The following ZNF397 variants were observed in gnomAD, a reference collection of about 807,000 sequenced individuals.
The protein encoded by ZNF397 is zinc finger protein 397.
A neutral mutation model predicts 50.6 loss-of-function variants in ZNF397; 38 were observed. That is an observed-to-expected ratio of 0.75 (90% CI 0.58 to 0.98). The LOEUF (loss-of-function observed/expected upper bound fraction) is 0.98. Ranked by LOEUF, ZNF397 falls within the 50% of genes least tolerant of loss-of-function variation. The probability of loss-of-function intolerance (pLI) is 0.00; values close to 1 mark genes in which losing one functional copy is unlikely to be tolerated. For synonymous variants in ZNF397, 228 were observed against 215.2 expected (o/e 1.06, Z -0.52); for missense variants, 624 against 624.1 (o/e 1.00, Z 0.00).
chr18:35,242,752 A>C lies in ZNF397; in HGVS notation c.282A>C (p.Val94=). 1 of 1,614,208 alleles carries C rather than the reference A, an allele frequency of 6.2e-7. No individual in the cohort carries two copies. The highest frequency in any genetic ancestry group is 8.5e-7 in the Non-Finnish European group (1 of 1,180,032). Residue 94 remains valine (V), a synonymous_variant, in exon 2 of 4, where the codon GTA becomes GTC. Transcript: ENST00000330501. ...AGGAGCAGATCTTAGAACTGCTGGT[A>C]CTGGAGCAGTTCCTGAGCATTCTGC... ...HTKEQILELL[V]LEQFLSILPE... is the part of the protein sequence containing the mutation.
chr18:35,254,589 T>A, downstream of ZNF397: 2 of 813,382 alleles, frequency 2.5e-6, no homozygotes, highest in Non-Finnish European at 3.8e-6. Context: ...AGAAATGAAT[T>A]AGTATTGGAG....
At chr18:35,253,141 C>A (rs1263315905), downstream of ZNF397, 4 of 223,642 alleles carry the variant, frequency 1.8e-5, no homozygotes, top group African/African-American at 9.1e-5. Context: ...TGAAGGTGCC[C>A]AATGGAAATT....
chr18:35,242,757 A>C lies in ZNF397; in HGVS notation c.287A>C (p.Glu96Ala). The C allele has an allele frequency of 6.2e-7, 1 of 1,614,168 alleles. No individual in the cohort carries two copies. The highest frequency in any genetic ancestry group is 8.5e-7 in the Non-Finnish European group (1 of 1,180,028). The change falls in exon 2 of 4, where the codon GAG becomes GCG. Residue 96 changes from glutamate to alanine, a missense_variant. Transcript: ENST00000330501. ...KEQILELLVL[E>A]QFLSILPEEL... The stretch of plus-strand genomic sequence containing the variant: ...CAGATCTTAGAACTGCTGGTACTGG[A>C]GCAGTTCCTGAGCATTCTGCCTGAG...
At chr18:35,253,230 A>G, downstream of ZNF397, 1 of 429,076 alleles carries the variant, frequency 2.3e-6, no homozygotes, top group Admixed American at 3.9e-5. Context: ...TTTCAAGGAA[A>G]TATCTACCAT....
At position 35,246,313 on chromosome 18, in the gene ZNF397, T is replaced by C. The variant is rs1435875542; in HGVS notation, c.*3T>C. 6.6e-7 allele frequency: 1 copy of C among 1,516,210 alleles called. No individual in the cohort carries two copies. The highest frequency in any genetic ancestry group is 8.8e-7 in the Non-Finnish European group (1 of 1,133,460). 93.9% of individuals were successfully genotyped at this position (1,516,210 alleles called of 1,614,324 possible). A position where few individuals can be genotyped will look rare whatever the true frequency, so the allele number is the denominator to read the frequency against. ...AAAGAGTCCACACTATAAAGTAATT[T>C]GTGAATACTGTGAATAGTGTAAATA... On this transcript the variant is annotated 3_prime_UTR_variant, in exon 4 of 4. Coordinates refer to ENST00000330501, the MANE Select transcript of ZNF397 (RefSeq NM_001135178.3).
In ZNF397 at chr18:35,246,772, G is replaced by C; in HGVS notation, c.*462G>C. ...AGAGCAGCAGGAAAGGTGGGGAAAT[G>C]GCTTCATCAATGATTTGTTGAGCCC... On this transcript the variant is annotated 3_prime_UTR_variant, in exon 4 of 4. Transcript: ENST00000330501. 1.0e-6 allele frequency: 1 copy of C among 987,380 alleles called. No homozygotes were observed. The highest frequency in any genetic ancestry group is 1.2e-6 in the Non-Finnish European group (1 of 831,604). The allele number at this position is 987,380 out of a possible 1,614,324, so 61.2% of individuals were successfully genotyped here.
chr18:35,253,032 C>T (rs2043651916), downstream of ZNF397: 1 of 161,090 alleles, frequency 6.2e-6, no homozygotes, highest in African/African-American at 2.4e-5. Context: ...ACTCTCAGCA[C>T]ATGCCTCCAC....
Position 35,246,367 on chromosome 18 carries a change from C to G in ZNF397, c.*57C>G. 4 of 1,468,680 alleles carry G rather than the reference C, an allele frequency of 2.7e-6. No homozygotes were observed. The highest frequency in any genetic ancestry group is 3.6e-6 in the Non-Finnish European group (4 of 1,111,564). 91.0% of individuals were successfully genotyped at this position (1,468,680 alleles called of 1,614,324 possible). On this transcript the variant is annotated 3_prime_UTR_variant, in exon 4 of 4. Coordinates refer to ENST00000330501, the MANE Select transcript of ZNF397 (RefSeq NM_001135178.3). ...CAGTCAGATTTTTAAGTTTGTTAGTCAAAAGAGTTTACTTTGGAGCAAAAC... is the reference window on the plus strand; with the variant it reads ...CAGTCAGATTTTTAAGTTTGTTAGTGAAAAGAGTTTACTTTGGAGCAAAAC...
Position 35,242,383 on chromosome 18 carries a change from T to A in ZNF397, c.-80-8T>A. 3 of 1,336,034 alleles carry A rather than the reference T, an allele frequency of 2.2e-6. No individual in the cohort carries two copies. The highest frequency in any genetic ancestry group is 3.1e-6 in the Non-Finnish European group (3 of 973,854). 82.8% of individuals were successfully genotyped at this position (1,336,034 alleles called of 1,614,324 possible). The stretch of plus-strand genomic sequence containing the variant: ...TTGCTGTAAGTTAACTGCTTTTATA[T>A]CCTTCAGGAAAGAAGAGATTACTCA... On this transcript the variant is annotated splice_polypyrimidine_tract_variant and splice_region_variant and intron_variant, in intron 1 of 3. Transcript: ENST00000330501.
intron 1 of ZNF397, chr18:35,241,419 T>C (rs1912488137): frequency 6.6e-6 from 1 of 152,276 alleles, no homozygotes; most frequent in Admixed American, 6.5e-5. Context: ...GTAGGCTAAA[T>C]ATTTTAATTC....
intron 2 of ZNF397, 35 bp downstream of exon 2, chr18:35,242,919 T>C (rs1655433570): frequency 6.4e-7 from 1 of 1,565,692 alleles, no homozygotes; most frequent in African/African-American, 1.4e-5. Context: ...GGAAAAGGAA[T>C]TTACAGCCTG....
chr18:35,247,666 A>ATTTTTTTTTTTTTTTTTTTTTT lies in ZNF397; in HGVS notation c.*1360_*1381dup, dbSNP rs753489329. The ATTTTTTTTTTTTTTTTTTTTTT allele has an allele frequency of 4.2e-5, 3 of 71,946 alleles. No homozygotes were observed. Among genetic ancestry groups the ATTTTTTTTTTTTTTTTTTTTTT allele is most frequent in the Admixed American group, 2.4e-4 (1 of 4,230 alleles). The allele number at this position is 71,946 out of a possible 1,614,324, so 4.5% of individuals were successfully genotyped here. On this transcript the variant is annotated 3_prime_UTR_variant, in exon 4 of 4. Coordinates refer to ENST00000330501, the MANE Select transcript of ZNF397 (RefSeq NM_001135178.3). ...CCAGTATTTCACAATATCTTTTGCA[A>ATTTTTTTTTTTTTTTTTTTTTT]TTTTTTTTTTTTTTTTTTTTTTTTT...
chr18:35,248,661 T>C lies in ZNF397; in HGVS notation c.*2351T>C, dbSNP rs2043520761. On this transcript the variant is annotated 3_prime_UTR_variant, in exon 4 of 4. Transcript: ENST00000330501. ...TTCAAGCCGAGCCTGGGCAGCATAGTGAGACCCCATCTCTACAAAAAATAA... is the reference window on the plus strand; with the variant it reads ...TTCAAGCCGAGCCTGGGCAGCATAGCGAGACCCCATCTCTACAAAAAATAA... 6.6e-6 allele frequency: 1 copy of C among 152,090 alleles called. No individual in the cohort carries two copies. Among genetic ancestry groups the C allele is most frequent in the South Asian group, 2.1e-4 (1 of 4,828 alleles). 9.4% of individuals were successfully genotyped at this position (152,090 alleles called of 1,614,324 possible). A position where few individuals can be genotyped will look rare whatever the true frequency, so the allele number is the denominator to read the frequency against.
At chr18:35,241,565 C>T (rs964830994) in intron 1 of ZNF397, 4 of 152,206 alleles carry the variant, frequency 2.6e-5, no homozygotes, top group Non-Finnish European at 5.9e-5. Context: ...CATTTAATAC[C>T]TATTTGTTAC....
intron 3 of ZNF397, among the ~76,000 whole-genome samples, chr18:35,244,355 T>C (rs866159559): frequency 6.6e-6 from 1 of 152,312 alleles, no homozygotes; most frequent in African/African-American, 2.4e-5. Flanking sequence ...TTGGTACATT[T>C]GGTGCTTGTG....
rs1456573881 is a variant in ZNF397, at chr18:35,245,245, G to A, written c.557-17G>A. On this transcript the variant is annotated splice_polypyrimidine_tract_variant and intron_variant, in intron 3 of 3. Coordinates refer to ENST00000330501, the MANE Select transcript of ZNF397 (RefSeq NM_001135178.3). ...AGAGAAATGTAATATCTGTTTTTTT[G>A]CTACTTATTGTTTCAGATTGTGAGA... 6.4e-6 allele frequency: 10 copies of A among 1,558,044 alleles called. No individual in the cohort carries two copies. The highest frequency in any genetic ancestry group is 1.4e-5 in the African/African-American group (1 of 72,052).
downstream of ZNF397, chr18:35,254,169 G>T (rs2043704598): frequency 6.2e-7 from 1 of 1,614,200 alleles, no homozygotes; most frequent in African/African-American, 1.3e-5. Flanking sequence ...AGACTGAAAT[G>T]TCTGTCCTGG....
chr18:35,256,486 G>A (rs2043821965), intron 5 of ZNF397, among the ~76,000 whole-genome samples: 2 of 151,922 alleles, frequency 1.3e-5, no homozygotes, highest in Non-Finnish European at 1.5e-5. Flanking sequence ...ACTTGAACCA[G>A]GGACGTGGAG....
chr18:35,243,493 C>A, intron 3 of ZNF397, 200 bp downstream of exon 3: 1 of 679,628 alleles, frequency 1.5e-6, no homozygotes, highest in South Asian at 1.8e-5. Context: ...CCCTGTTATT[C>A]ATTCATTCAT....
Sources: gnomAD v4.1 joint callset for allele counts (sites outside exome capture counted in the v4.1 genomes callset) on GRCh38, gnomAD v4.1.1 for gene constraint, MANE v1.5 for transcripts, NCBI Gene and HGNC (gene_info 2026-07-23, HGNC 2026-07-21) for gene names.